EXOC6B: variants seen among roughly 807,000 people sequenced by gnomAD.
EXOC6B encodes exocyst complex component 6B.
EXOC6B carries 54 observed loss-of-function variants against 113.5 expected under a neutral mutation model. The observed-to-expected ratio is 0.48, with a 90% CI of 0.38 to 0.60. EXOC6B has a LOEUF of 0.60. Ranked by LOEUF, EXOC6B falls within the 20% of genes least tolerant of loss-of-function variation. EXOC6B has a pLI of 0.00. For missense variants in EXOC6B, 797 were observed against 977.5 expected, an observed-to-expected ratio of 0.82 and a Z score of 2.46; for synonymous variants, 357 against 339.0, an observed-to-expected ratio of 1.05 and a Z score of -0.58.
At chr2:72,318,135 C>T (rs1402085904) in intron 20 of EXOC6B, among the ~76,000 whole-genome samples, 1 of 152,114 alleles carries the variant, frequency 6.6e-6, no homozygotes, top group Non-Finnish European at 1.5e-5. Context: ...TTAAATTCTC[C>T]AGATGACCAT....
chr2:72,382,319 T>C (rs757951672), intron 18 of EXOC6B, among the ~76,000 whole-genome samples: 1 of 152,198 alleles, frequency 6.6e-6, no homozygotes, highest in Non-Finnish European at 1.5e-5. Context: ...TTTTGTCAGC[T>C]TTGTCGAAGA....
intron 20 of EXOC6B, among the ~76,000 whole-genome samples, chr2:72,280,549 G>A (rs1177371346): frequency 6.6e-6 from 1 of 152,150 alleles, no homozygotes; most frequent in Non-Finnish European, 1.5e-5. Context: ...GTTAAAGGTG[G>A]TAATGACATC....
chr2:72,810,232 T>C (rs1429375006), intron 1 of EXOC6B, among the ~76,000 whole-genome samples: 1 of 151,924 alleles, frequency 6.6e-6, no homozygotes, highest in East Asian at 1.9e-4. Flanking sequence ...AATTTGAAAT[T>C]AGCTGGCTGT....
chr2:72,814,315 G>A (rs969146950), intron 1 of EXOC6B, among the ~76,000 whole-genome samples: 6 of 152,164 alleles, frequency 3.9e-5, no homozygotes, highest in Non-Finnish European at 8.8e-5. Flanking sequence ...TGAAATGATA[G>A]AACTGTTATA....
intron 11 of EXOC6B, among the ~76,000 whole-genome samples, chr2:72,510,888 C>T (rs866458715): frequency 1.3e-4 from 19 of 151,790 alleles, no homozygotes; most frequent in African/African-American, 3.9e-4. Context: ...TGAGAGTAAA[C>T]AACAGGTGGT....
intron 18 of EXOC6B, among the ~76,000 whole-genome samples, chr2:72,439,744 C>T (rs1329951960): frequency 1.3e-5 from 2 of 152,164 alleles, no homozygotes; most frequent in African/African-American, 4.8e-5. Flanking sequence ...CAGCCTCAGC[C>T]CAGTTCTGAA....
chr2:72,340,797 A>G (rs1688986343), intron 19 of EXOC6B, among the ~76,000 whole-genome samples: 3 of 152,144 alleles, frequency 2.0e-5, no homozygotes, highest in Admixed American at 2.0e-4. Flanking sequence ...GGCTCCCTGG[A>G]GCAACAGATG....
At chr2:72,247,555 T>G (rs1201003281) in intron 20 of EXOC6B, among the ~76,000 whole-genome samples, 3 of 152,220 alleles carry the variant, frequency 2.0e-5, no homozygotes, top group Non-Finnish European at 2.9e-5. Context: ...GAACTGATGG[T>G]GTGTCCCTGG....
At chr2:72,573,602 A>G (rs895471177) in intron 7 of EXOC6B, among the ~76,000 whole-genome samples, 4 of 152,210 alleles carry the variant, frequency 2.6e-5, no homozygotes, top group Non-Finnish European at 5.9e-5. Context: ...GATAACACTC[A>G]AAAGACTTTT....
intron 6 of EXOC6B, among the ~76,000 whole-genome samples, chr2:72,582,115 C>T (rs1266057555): frequency 2.0e-5 from 3 of 152,012 alleles, no homozygotes; most frequent in Non-Finnish European, 4.4e-5. Flanking sequence ...AGACCCTGCC[C>T]AACATTCTCG....
chr2:72,363,259 G>C (rs909091804), intron 19 of EXOC6B, among the ~76,000 whole-genome samples: 2 of 152,004 alleles, frequency 1.3e-5, no homozygotes, highest in Admixed American at 6.6e-5. Flanking sequence ...TAGAGTTATT[G>C]GGTTTGGTAG....
intron 20 of EXOC6B, among the ~76,000 whole-genome samples, chr2:72,254,199 T>C (rs1290078533): frequency 6.6e-6 from 1 of 152,142 alleles, no homozygotes; most frequent in African/African-American, 2.4e-5. Flanking sequence ...TCTCCAGTAC[T>C]TAGGAATGTG....
intron 20 of EXOC6B, among the ~76,000 whole-genome samples, chr2:72,246,128 A>G (rs1171528608): frequency 2.6e-5 from 4 of 152,116 alleles, no homozygotes; most frequent in African/African-American, 4.8e-5. Flanking sequence ...ATCTCAAGCA[A>G]TCCTCCCACC....
chr2:72,767,432 A>G (rs746051898), intron 1 of EXOC6B, among the ~76,000 whole-genome samples: 1 of 151,970 alleles, frequency 6.6e-6, no homozygotes, highest in African/African-American at 2.4e-5. Context: ...CTCGGTCTCA[A>G]ATATATATTA....
intron 6 of EXOC6B, among the ~76,000 whole-genome samples, chr2:72,671,335 A>G (rs1055133770): frequency 5.9e-5 from 9 of 152,226 alleles, no homozygotes; most frequent in African/African-American, 2.2e-4. Context: ...ATCTCATTTA[A>G]AAATGGGCAG....
intron 6 of EXOC6B, among the ~76,000 whole-genome samples, chr2:72,684,705 T>C (rs1423309908): frequency 6.6e-6 from 1 of 152,222 alleles, no homozygotes; most frequent in Non-Finnish European, 1.5e-5. Context: ...AAAGAAGCTT[T>C]ATATAAAAGA....
intron 12 of EXOC6B, 58 bp from the exon 13 acceptor site, chr2:72,498,609 T>TG: frequency 7.7e-6 from 9 of 1,165,064 alleles, no homozygotes; most frequent in Non-Finnish European, 1.1e-5. Flanking sequence ...TTTTTCGGTT[T>TG]TTTTTTTTTT....
At chr2:72,390,791 C>T (rs769036949) in intron 18 of EXOC6B, among the ~76,000 whole-genome samples, 2 of 152,152 alleles carry the variant, frequency 1.3e-5, no homozygotes, top group African/African-American at 2.4e-5. Context: ...TCCCCACCCC[C>T]ATCTCTTCAT....
intron 1 of EXOC6B, among the ~76,000 whole-genome samples, chr2:72,753,325 A>T (rs1450638363): frequency 6.6e-6 from 1 of 152,084 alleles, no homozygotes. Flanking sequence ...AATTGAAGAT[A>T]ACACCAGCCA....
Sources: gnomAD v4.1 joint callset for allele counts (sites outside exome capture counted in the v4.1 genomes callset) on GRCh38, gnomAD v4.1.1 for gene constraint, MANE v1.5 for transcripts, NCBI Gene and HGNC (gene_info 2026-07-23, HGNC 2026-07-21) for gene names.